The following PCDHGA9 variants were observed in gnomAD, a reference collection of about 807,000 sequenced individuals.
PCDHGA9 encodes protocadherin gamma subfamily A, 9.
Under a neutral mutation model 62.5 loss-of-function variants are expected in PCDHGA9, and 37 were observed. The ratio of observed to expected loss-of-function variants is 0.59; its 90% CI spans 0.46 to 0.78. The LOEUF is 0.78. Among genes scored for constraint, PCDHGA9 ranks in the 30% least tolerant of loss-of-function variants. The pLI is 0.00. For missense variants in PCDHGA9, 1,138 were observed against 1,166.2 expected (o/e 0.98, Z 0.35); for synonymous variants, 459 against 484.6 (o/e 0.95, Z 0.69).
chr5:141,470,538 A>G (rs2099232733), intron 1 of PCDHGA9, among the ~76,000 whole-genome samples: 1 of 152,140 alleles, frequency 6.6e-6, no homozygotes, highest in African/African-American at 2.4e-5. Context: ...GTATCAGGTA[A>G]TATTTATTGA....
intron 1 of PCDHGA9, chr5:141,478,247 G>A (rs1377698933): frequency 1.2e-6 from 2 of 1,614,074 alleles, no homozygotes; most frequent in Admixed American, 3.3e-5. Context: ...CACAGTGTTC[G>A]GAGTAATCAT....
At position 141,432,480 on chromosome 5, in the gene PCDHGA9, G is replaced by C; in HGVS notation, c.2424+27104G>C. ...GCCCTCCCCACGGACGGTTCCACTGGCGTGGAGCTGGCTCCCCGCTCCGCA... is the reference window on the plus strand; with the variant it reads ...GCCCTCCCCACGGACGGTTCCACTGCCGTGGAGCTGGCTCCCCGCTCCGCA... On this transcript the variant is annotated intron_variant, in intron 1 of 3. Coordinates refer to ENST00000573521, the MANE Select transcript of PCDHGA9 (RefSeq NM_018921.3). The surrounding 1 kb of genome is among the most constrained non-coding windows in gnomAD (Gnocchi z 6.0). 6 of 1,614,180 alleles carry C rather than the reference G, an allele frequency of 3.7e-6. No homozygotes were observed. Among genetic ancestry groups the C allele is most frequent in the Non-Finnish European group, 5.1e-6 (6 of 1,180,044 alleles).
intron 1 of PCDHGA9, chr5:141,478,018 C>T: frequency 1.9e-6 from 3 of 1,614,124 alleles, no homozygotes; most frequent in Non-Finnish European, 2.5e-6. Context: ...CCCGTCCAGT[C>T]CAAGACACAG....
At chr5:141,422,127 A>G (rs779974245) in intron 1 of PCDHGA9, 1 of 1,600,944 alleles carries the variant, frequency 6.2e-7, no homozygotes. Context: ...CACAAACTGG[A>G]GAAGTTCAAG....
At position 141,491,098 on chromosome 5, in the gene PCDHGA9, C is replaced by A. The variant is rs1283499077; in HGVS notation, c.2425-3709C>A. ...ACAGTCCACAGCCCCAGGACTGTTC[C>A]TCGTGTCTACACACACTGGTGAGGT... On this transcript the variant is annotated intron_variant, in intron 1 of 3. Coordinates refer to ENST00000573521, the MANE Select transcript of PCDHGA9 (RefSeq NM_018921.3). This position sits in a 1 kb window ranked among gnomAD's most constrained non-coding sequence, Gnocchi z 6.9. 6.2e-7 allele frequency: 1 copy of A among 1,614,216 alleles called. No individual in the cohort carries two copies. Among genetic ancestry groups the A allele is most frequent in the Non-Finnish European group, 8.5e-7 (1 of 1,180,038 alleles).
At chr5:141,500,223 T>TTG (rs1227708024) in intron 2 of PCDHGA9, among the ~76,000 whole-genome samples, 1 of 145,320 alleles carries the variant, frequency 6.9e-6, no homozygotes, top group Non-Finnish European at 1.5e-5. Flanking sequence ...TTTATTTATT[T>TTG]ATTGATACGT....
intron 2 of PCDHGA9, 102 bp from the exon 3 acceptor site, chr5:141,505,291 G>A (rs2154593677): frequency 1.3e-6 from 2 of 1,565,092 alleles, no homozygotes; most frequent in Non-Finnish European, 1.7e-6. Context: ...TGGGCATGGG[G>A]TAGGGTTAGG....
At chr5:141,422,709 T>A in intron 1 of PCDHGA9, 1 of 1,603,558 alleles carries the variant, frequency 6.2e-7, no homozygotes, top group Admixed American at 1.7e-5. Flanking sequence ...CTCTGACGGA[T>A]GACACTGTCC....
Position 141,485,538 on chromosome 5 carries a change from A to T in PCDHGA9, c.2425-9269A>T. ...TTGGAAATGTACCGAGCAGAGGTAG[A>T]GATCGTAGATGTGAATGATCACGCC... On this transcript the variant is annotated intron_variant, in intron 1 of 3. Transcript: ENST00000573521. The surrounding 1 kb of genome is among the most constrained non-coding windows in gnomAD (Gnocchi z 5.7). The T allele has an allele frequency of 6.2e-7, 1 of 1,614,162 alleles. No individual in the cohort carries two copies. Among genetic ancestry groups the T allele is most frequent in the Admixed American group, 1.7e-5 (1 of 60,012 alleles).
chr5:141,489,080 C>CCCA lies in PCDHGA9; in HGVS notation c.2425-5727_2425-5726insCCA. On this transcript the variant is annotated intron_variant, in intron 1 of 3. Coordinates refer to ENST00000573521, the MANE Select transcript of PCDHGA9 (RefSeq NM_018921.3). This position sits in a 1 kb window ranked among gnomAD's most constrained non-coding sequence, Gnocchi z 4.5. ...TCCCCTCCCCCCTGCCCACCCCCGC[C>CCCA]ACTCGGTGACTAAGAACTGCTGCAA... 3.0e-6 allele frequency: 1 copy of CCCA among 336,172 alleles called. No individual in the cohort carries two copies. The highest frequency in any genetic ancestry group is 5.5e-5 in the East Asian group (1 of 18,342). 20.8% of individuals were successfully genotyped at this position (336,172 alleles called of 1,614,324 possible).
chr5:141,494,935 G>A, intron 2 of PCDHGA9, 70 bp downstream of exon 2: 1 of 1,612,482 alleles, frequency 6.2e-7, no homozygotes, highest in Non-Finnish European at 8.5e-7. Flanking sequence ...GGGAGGAGAT[G>A]GGGGAGGGCC....
At chr5:141,436,991 T>G (rs1016670604) in intron 1 of PCDHGA9, among the ~76,000 whole-genome samples, 2 of 152,238 alleles carry the variant, frequency 1.3e-5, no homozygotes, top group African/African-American at 4.8e-5. Flanking sequence ...AGAAGCAGTT[T>G]ACTTCAATGG....
chr5:141,507,559 G>T (rs542787142), intron 3 of PCDHGA9, among the ~76,000 whole-genome samples: 1 of 152,368 alleles, frequency 6.6e-6, no homozygotes, highest in African/African-American at 2.4e-5. Flanking sequence ...GTGGCAGGCG[G>T]CTGGGTCTGA....
Position 141,478,316 on chromosome 5 carries a change from C to T in PCDHGA9, c.2425-16491C>T, listed in dbSNP as rs776948755. ...CCTATACCGAGCCCCGGTGAGCTCA[C>T]TGTACCGAACACCAGGGCCCTCCTT... On this transcript the variant is annotated intron_variant, in intron 1 of 3. Coordinates refer to ENST00000573521, the MANE Select transcript of PCDHGA9 (RefSeq NM_018921.3). 120 of 1,613,924 alleles carry T rather than the reference C, an allele frequency of 7.4e-5. 2 individuals carry two copies. In the South Asian group the frequency reaches 1.3e-3, roughly 18 times the overall value.
intron 1 of PCDHGA9, among the ~76,000 whole-genome samples, chr5:141,438,019 G>A (rs1031334687): frequency 1.3e-5 from 2 of 152,104 alleles, no homozygotes; most frequent in Non-Finnish European, 2.9e-5. Context: ...GAGATTACAG[G>A]TGTGAGCCAC....
chr5:141,500,433 T>C (rs1398344932), intron 2 of PCDHGA9, among the ~76,000 whole-genome samples: 1 of 151,764 alleles, frequency 6.6e-6, no homozygotes, highest in East Asian at 1.9e-4. Context: ...ATGGTCTCGA[T>C]CTCCTGACCT....
intron 1 of PCDHGA9, chr5:141,415,556 CTT>C: frequency 6.2e-7 from 1 of 1,614,078 alleles, no homozygotes; most frequent in Non-Finnish European, 8.5e-7. Context: ...AAAAACGATC[CTT>C]TGTCTTTGTT....
rs762433242 is a variant in PCDHGA9, at chr5:141,476,856, C to A, written c.2425-17951C>A. 2.5e-6 allele frequency: 4 copies of A among 1,613,762 alleles called. No individual in the cohort carries two copies. In the East Asian group the frequency reaches 6.7e-5, roughly 27 times the overall value. ...GACAATGCGCCTGTCTTCAACCAGTCCTTGTACCGGGCGCGCGTCCTGGAG... is the reference window on the plus strand; with the variant it reads ...GACAATGCGCCTGTCTTCAACCAGTACTTGTACCGGGCGCGCGTCCTGGAG... On this transcript the variant is annotated intron_variant, in intron 1 of 3. Coordinates refer to ENST00000573521, the MANE Select transcript of PCDHGA9 (RefSeq NM_018921.3). This position sits in a 1 kb window ranked among gnomAD's most constrained non-coding sequence, Gnocchi z 7.6.
rs1374190670 is a variant in PCDHGA9 at position 141,487,196 on chromosome 5, G to C, written c.2425-7611G>C. ...GGAAGACACTCATCCAGTTGTCCCAGATCTTCGAGAATCTTCAGCTCCAAG... is the reference window on the plus strand; with the variant it reads ...GGAAGACACTCATCCAGTTGTCCCACATCTTCGAGAATCTTCAGCTCCAAG... On this transcript the variant is annotated intron_variant, in intron 1 of 3. Coordinates refer to ENST00000573521, the MANE Select transcript of PCDHGA9 (RefSeq NM_018921.3). The surrounding 1 kb of genome is among the most constrained non-coding windows in gnomAD (Gnocchi z 5.0). 6.2e-7 allele frequency: 1 copy of C among 1,613,878 alleles called. No homozygotes were observed. Among genetic ancestry groups the C allele is most frequent in the Admixed American group, 1.7e-5 (1 of 60,030 alleles).
Sources: allele counts gnomAD v4.1 joint callset (sites outside exome capture counted in the v4.1 genomes callset), GRCh38; gene constraint gnomAD v4.1.1; non-coding constraint Gnocchi (gnomAD v3.1); transcripts MANE v1.5; gene names NCBI Gene and HGNC (gene_info 2026-07-23, HGNC 2026-07-21).